Variants in HIVEP3 observed in about 807,000 individuals in gnomAD.
The protein encoded by HIVEP3 is transcription factor HIVEP3.
HIVEP3 carries 49 observed loss-of-function variants against 152.8 expected under a neutral mutation model. The observed-to-expected ratio is 0.32, with a 90% CI of 0.26 to 0.41. HIVEP3 has a LOEUF of 0.41. Among genes scored for constraint, HIVEP3 ranks in the 10% least tolerant of loss-of-function variants. The pLI is 1.00. For missense variants in HIVEP3, 2,790 were observed against 3,103.3 expected (o/e 0.90, Z 2.40); for synonymous variants, 1,269 against 1,289.0 (o/e 0.98, Z 0.33).
At chr1:41,598,992 C>CT (rs1264990271) in intron 3 of HIVEP3, among the ~76,000 whole-genome samples, 1 of 151,712 alleles carries the variant, frequency 6.6e-6, no homozygotes, top group Admixed American at 6.6e-5. Context: ...ATTTTTATAT[C>CT]TTTTTTTAGA....
chr1:41,646,962 T>C (rs79998863), intron 2 of HIVEP3, among the ~76,000 whole-genome samples: 5,900 of 152,214 alleles, frequency 0.039, 188 homozygotes, highest in Middle Eastern at 0.095. Flanking sequence ...CTGTACTCCT[T>C]CTTTGGCTCA....
Position 41,843,891 on chromosome 1 carries a change from T to C in HIVEP3, c.-801+74522A>G, listed in dbSNP as rs1054518464. On this transcript the variant is annotated intron_variant, in intron 1 of 8. Coordinates refer to ENST00000372583, the MANE Select transcript of HIVEP3 (RefSeq NM_024503.5). Reference sequence around the variant, plus strand: ...ATTTAACATTAGGTATGTCTCCAAATGCTATCCCTCCCCCCTCCGTGTGTG... The same window carrying C: ...ATTTAACATTAGGTATGTCTCCAAACGCTATCCCTCCCCCCTCCGTGTGTG... Among the ~76,000 whole-genome samples, 7 of 152,170 alleles carry C rather than the reference T, an allele frequency of 4.6e-5. No individual in the cohort carries two copies. The East Asian group carries it at 1.3e-3, about 29-fold the overall frequency.
At chr1:41,753,940 G>A (rs1234694630) in intron 1 of HIVEP3, among the ~76,000 whole-genome samples, 1 of 152,092 alleles carries the variant, frequency 6.6e-6, no homozygotes, top group Non-Finnish European at 1.5e-5. Flanking sequence ...GGGTGGTGGG[G>A]GTAAGAGGAG....
intron 3 of HIVEP3, among the ~76,000 whole-genome samples, chr1:41,588,296 C>A (rs748856138): frequency 6.6e-6 from 1 of 152,186 alleles, no homozygotes; most frequent in Non-Finnish European, 1.5e-5. Context: ...GATCTGAGAG[C>A]AGCCCCAAAA....
Position 41,510,923 on chromosome 1 carries a change from G to C in HIVEP3, c.6749C>G (p.Ser2250Trp). 6.2e-7 allele frequency: 1 copy of C among 1,613,562 alleles called. No homozygotes were observed. The highest frequency in any genetic ancestry group is 8.5e-7 in the Non-Finnish European group (1 of 1,179,900). ...ERGRWSPTESSSASVSPVAKV... is the reference protein window; with the variant it reads ...ERGRWSPTESWSASVSPVAKV... ...AGCCACAGGCGACACGGAGGCTGACGAGCTCTCAGTGGGACTCCAGCGGCC... is the reference window on the plus strand; with the variant it reads ...AGCCACAGGCGACACGGAGGCTGACCAGCTCTCAGTGGGACTCCAGCGGCC... Residue 2250 changes from serine to tryptophan, a missense_variant, in exon 9 of 9, where the codon TCG becomes TGG. This residue lies in a region of HIVEP3 where 816 missense variants were observed against 806.5 expected (regional missense o/e 1.01). Coordinates refer to ENST00000372583, the MANE Select transcript of HIVEP3 (RefSeq NM_024503.5).
intron 1 of HIVEP3, among the ~76,000 whole-genome samples, chr1:42,016,241 A>G (rs1645521860): frequency 6.6e-6 from 1 of 152,242 alleles, no homozygotes; most frequent in Non-Finnish European, 1.5e-5. Context: ...TTCCAATAAG[A>G]AAGTATCTGT....
At chr1:41,877,412 C>A (rs1644188281) in intron 1 of HIVEP3, among the ~76,000 whole-genome samples, 1 of 152,148 alleles carries the variant, frequency 6.6e-6, no homozygotes, top group Non-Finnish European at 1.5e-5. Context: ...CCTTTCACAC[C>A]CTGATTCAAG....
intron 3 of HIVEP3, among the ~76,000 whole-genome samples, chr1:41,605,365 ACGCACACGCG>A (rs1644805987): frequency 8.0e-6 from 1 of 124,390 alleles, no homozygotes; most frequent in African/African-American, 3.3e-5. Context: ...ACATACACAC[ACGCACACGCG>A]CACACACACA....
intron 1 of HIVEP3, among the ~76,000 whole-genome samples, chr1:42,017,139 A>G (rs1043541496): frequency 2.0e-5 from 3 of 152,010 alleles, no homozygotes; most frequent in African/African-American, 7.2e-5. Context: ...ATTTATTACC[A>G]TTTTAATTTT....
chr1:41,717,843 G>T (rs1646617304), intron 1 of HIVEP3, among the ~76,000 whole-genome samples: 1 of 152,136 alleles, frequency 6.6e-6, no homozygotes, highest in Admixed American at 6.5e-5. Context: ...GTAGGGGAGG[G>T]TGAGTCAGTC....
chr1:41,796,538 C>T (rs1469801951), intron 1 of HIVEP3, among the ~76,000 whole-genome samples: 7 of 152,216 alleles, frequency 4.6e-5, no homozygotes, highest in South Asian at 2.1e-4. Context: ...AGAAGGCACT[C>T]GATTCATGTT....
At chr1:41,530,281 C>T (rs527914675) in intron 5 of HIVEP3, among the ~76,000 whole-genome samples, 7 of 152,334 alleles carry the variant, frequency 4.6e-5, no homozygotes, top group Non-Finnish European at 7.3e-5. Context: ...AACTGAAGGC[C>T]GTGGCGGCGG....
chr1:42,003,948 G>GA (rs1003863159), intron 1 of HIVEP3, among the ~76,000 whole-genome samples: 3 of 152,130 alleles, frequency 2.0e-5, no homozygotes, highest in African/African-American at 7.2e-5. Context: ...CCAAAAAAAG[G>GA]AACAAATCAA....
At chr1:41,565,067 G>T (rs1229791275) in intron 5 of HIVEP3, among the ~76,000 whole-genome samples, 1 of 152,168 alleles carries the variant, frequency 6.6e-6, no homozygotes, top group Non-Finnish European at 1.5e-5. Context: ...CGTGAATCTG[G>T]GGTTGAATTA....
At chr1:41,532,122 CA>C (rs1375976253) in intron 5 of HIVEP3, among the ~76,000 whole-genome samples, 1 of 118,480 alleles carries the variant, frequency 8.4e-6, no homozygotes, top group East Asian at 2.4e-4. Context: ...AGATGGAGGA[CA>C]GGGGAGATGG....
At chr1:41,822,839 C>T (rs545985670) in intron 1 of HIVEP3, among the ~76,000 whole-genome samples, 13 of 152,210 alleles carry the variant, frequency 8.5e-5, no homozygotes, top group Admixed American at 1.3e-4. Context: ...CTGCAGAATG[C>T]GGCAGGGACC....
Position 41,654,749 on chromosome 1 carries a change from T to C in HIVEP3, c.-720-25802A>G, listed in dbSNP as rs58259965. On this transcript the variant is annotated intron_variant, in intron 2 of 8. Transcript: ENST00000372583. ...TGGATTTATTATTGTTTTCAAGAAA[T>C]AGACACCATTCTCTACTGCACGCAG... Among the ~76,000 whole-genome samples, 203 of 152,330 alleles carry C rather than the reference T, an allele frequency of 1.3e-3. 2 individuals carry two copies. Among genetic ancestry groups the C allele is most frequent in the Middle Eastern group, 6.8e-3 (2 of 294 alleles).
chr1:41,991,597 G>T (rs1349186807), intron 1 of HIVEP3, among the ~76,000 whole-genome samples: 1 of 149,724 alleles, frequency 6.7e-6, no homozygotes, highest in Non-Finnish European at 1.5e-5. Flanking sequence ...CATTCCTTCT[G>T]AAACTATTCC....
At chr1:41,901,532 C>A (rs927189731) in intron 1 of HIVEP3, among the ~76,000 whole-genome samples, 6 of 152,036 alleles carry the variant, frequency 3.9e-5, no homozygotes, top group Admixed American at 1.3e-4. Context: ...GCAGGAGAAG[C>A]CTGAAAAGCA....
Sources: gnomAD v4.1 joint callset for allele counts (sites outside exome capture counted in the v4.1 genomes callset) on GRCh38, gnomAD v4.1.1 for gene constraint, gnomAD v4.1.1 regional missense constraint, MANE v1.5 for transcripts, NCBI Gene and HGNC (gene_info 2026-07-23, HGNC 2026-07-21) for gene names.